Variants in CBL observed in about 807,000 individuals in gnomAD.
CBL encodes the protein Cbl proto-oncogene.
In CBL, 45 loss-of-function variants were observed where a neutral mutation model predicts 96.9. The ratio of observed to expected loss-of-function variants is 0.46; its 90% confidence interval spans 0.37 to 0.60. The LOEUF (loss-of-function observed/expected upper bound fraction) is 0.60. Ranked by LOEUF, CBL falls within the 20% of genes least tolerant of loss-of-function variation. The probability of loss-of-function intolerance (pLI) is 0.00; values close to 1 mark genes in which losing one functional copy is unlikely to be tolerated. For missense variants in CBL, 1,024 were observed against 1,143.5 expected, an observed-to-expected ratio of 0.90 and a Z score of 1.51; for synonymous variants, 420 against 426.8, an observed-to-expected ratio of 0.98 and a Z score of 0.20.
chr11:119,274,971 A>G lies in CBL; in HGVS notation c.869+18A>G, dbSNP rs1432059209. On this transcript the variant is annotated intron_variant, in intron 5 of 15. Coordinates refer to ENST00000264033, the MANE Select transcript of CBL (RefSeq NM_005188.4). ...CCTGGCAGGTCAGTTCAATGACGCA[A>G]AGAGATTTATTCTTCTGAATTTCGT... 37 of 1,609,420 alleles carry G rather than the reference A, an allele frequency of 2.3e-5. No individual in the cohort carries two copies. The highest frequency in any genetic ancestry group is 3.1e-5 in the Non-Finnish European group (36 of 1,178,512).
intron 1 of CBL, among the ~76,000 whole-genome samples, chr11:119,219,729 G>A (rs544388868): frequency 1.6e-4 from 24 of 151,688 alleles, no homozygotes; most frequent in Admixed American, 1.3e-3. Context: ...TGTTGTCCAG[G>A]ATGGAGTGCA....
chr11:119,241,570 G>A (rs1949586766), intron 2 of CBL, among the ~76,000 whole-genome samples: 1 of 152,096 alleles, frequency 6.6e-6, no homozygotes, highest in Admixed American at 6.6e-5. Context: ...TTATCATCCG[G>A]TGGAACAGTA....
At chr11:119,236,566 A>G (rs1949547682) in intron 2 of CBL, among the ~76,000 whole-genome samples, 2 of 148,020 alleles carry the variant, frequency 1.4e-5, no homozygotes, top group South Asian at 4.3e-4. Context: ...ATATAAACAT[A>G]TATACATATA....
chr11:119,255,377 T>G (rs1171750301), intron 2 of CBL, among the ~76,000 whole-genome samples: 4 of 152,148 alleles, frequency 2.6e-5, no homozygotes, highest in Non-Finnish European at 5.9e-5. Context: ...TGGCTTGGAC[T>G]AAGGTAACAA....
rs997106704 is a variant in CBL, at chr11:119,231,015, A to C, written c.196-1433A>C. 4.6e-5 allele frequency among the ~76,000 whole-genome samples: 7 copies of C among 152,216 alleles called. No individual in the cohort carries two copies. The East Asian group carries it at 1.3e-3, about 29-fold the overall frequency. Reference sequence around the variant, plus strand: ...GTGAAAGATGGTACAAAGAATTGCCAGGCAAATTCTGAGAGTCCAAATGTA... The same window carrying C: ...GTGAAAGATGGTACAAAGAATTGCCCGGCAAATTCTGAGAGTCCAAATGTA... On this transcript the variant is annotated intron_variant, in intron 1 of 15. Coordinates refer to ENST00000264033, the MANE Select transcript of CBL (RefSeq NM_005188.4).
chr11:119,278,797 C>CCTATCATTGTAGTTTGG, intron 9 of CBL, 84 bp downstream of exon 9: 4 of 966,688 alleles, frequency 4.1e-6, no homozygotes, highest in Non-Finnish European at 6.7e-6. Context: ...ATCCAAACTA[C>CCTATCATTGTAGTTTGG]AATGATAGGT....
At chr11:119,238,980 T>A (rs975869729) in intron 2 of CBL, among the ~76,000 whole-genome samples, 1 of 152,190 alleles carries the variant, frequency 6.6e-6, no homozygotes, top group Non-Finnish European at 1.5e-5. Flanking sequence ...TTGTCTTTGT[T>A]GTTTTAGACA....
At chr11:119,268,014 A>T (rs2135293516) in intron 2 of CBL, among the ~76,000 whole-genome samples, 1 of 152,350 alleles carries the variant, frequency 6.6e-6, no homozygotes, top group South Asian at 2.1e-4. Flanking sequence ...CAAAGAAGAG[A>T]GGCAGGTGTA....
At chr11:119,278,780 T>TA in intron 9 of CBL, 67 bp downstream of exon 9, 2 of 1,183,750 alleles carry the variant, frequency 1.7e-6, no homozygotes, top group Non-Finnish European at 2.5e-6. Flanking sequence ...GTAAAACACT[T>TA]AACGATATCC....
chr11:119,265,237 A>C (rs1441393797), intron 2 of CBL, among the ~76,000 whole-genome samples: 2 of 152,216 alleles, frequency 1.3e-5, no homozygotes, highest in Non-Finnish European at 2.9e-5. Flanking sequence ...AATACCATAT[A>C]AACTTTTTTG....
chr11:119,229,609 A>AAAC (rs916342630), intron 1 of CBL, among the ~76,000 whole-genome samples: 7 of 152,266 alleles, frequency 4.6e-5, no homozygotes, highest in Admixed American at 1.3e-4. Context: ...TTTTTCTCAA[A>AAAC]AACAACAACA....
intron 2 of CBL, among the ~76,000 whole-genome samples, chr11:119,240,341 T>G (rs1949575503): frequency 6.6e-6 from 1 of 151,446 alleles, no homozygotes; most frequent in Non-Finnish European, 1.5e-5. Context: ...AAAATTGCAC[T>G]AAAGGCAAGA....
At chr11:119,286,226 G>A (rs1046568910) in intron 11 of CBL, among the ~76,000 whole-genome samples, 2 of 152,140 alleles carry the variant, frequency 1.3e-5, no homozygotes, top group Non-Finnish European at 2.9e-5. Flanking sequence ...TTTGAACCTG[G>A]AGGCAGAGGT....
At chr11:119,218,135 GTTGA>G (rs1243044887) in intron 1 of CBL, among the ~76,000 whole-genome samples, 1 of 152,126 alleles carries the variant, frequency 6.6e-6, no homozygotes. Flanking sequence ...TGAAAATTAT[GTTGA>G]CACTTTTCCA....
intron 11 of CBL, among the ~76,000 whole-genome samples, chr11:119,287,620 C>G (rs1257079953): frequency 6.6e-6 from 1 of 151,994 alleles, no homozygotes; most frequent in African/African-American, 2.4e-5. Context: ...AGAATTAAAC[C>G]AAAAAGTTCA....
intron 6 of CBL, among the ~76,000 whole-genome samples, chr11:119,276,500 G>T (rs1162818849): frequency 6.6e-6 from 1 of 152,178 alleles, no homozygotes; most frequent in Admixed American, 6.5e-5. Flanking sequence ...AATAGCCATA[G>T]GCCTCAGTGG....
At chr11:119,264,253 T>G (rs1949777896) in intron 2 of CBL, among the ~76,000 whole-genome samples, 1 of 152,190 alleles carries the variant, frequency 6.6e-6, no homozygotes, top group Admixed American at 6.5e-5. Context: ...AGAGACAGTC[T>G]TGCTATGTTG....
At chr11:119,237,701 A>T (rs1949555823) in intron 2 of CBL, among the ~76,000 whole-genome samples, 1 of 152,152 alleles carries the variant, frequency 6.6e-6, no homozygotes, top group Non-Finnish European at 1.5e-5. Context: ...CATAAGTGTA[A>T]GGGTTTATTT....
chr11:119,296,798 G>A, intron 12 of CBL, 120 bp from the exon 13 acceptor site: 1 of 690,066 alleles, frequency 1.4e-6, no homozygotes, highest in South Asian at 1.5e-5. Context: ...TAGTTCCCTA[G>A]GTGACATGTA....
Sources: allele counts gnomAD v4.1 joint callset (sites outside exome capture counted in the v4.1 genomes callset), GRCh38; gene constraint gnomAD v4.1.1; transcripts MANE v1.5; gene names NCBI Gene and HGNC (gene_info 2026-07-23, HGNC 2026-07-21).